Variants in SPAG17 observed in about 807,000 individuals in gnomAD.
SPAG17 encodes the protein sperm associated antigen 17, also known as sperm-associated antigen 17.
In SPAG17, 169 loss-of-function variants were observed where a neutral mutation model predicts 273.6. The observed-to-expected ratio is 0.62, with a 90% confidence interval of 0.55 to 0.70. The LOEUF (loss-of-function observed/expected upper bound fraction) is 0.70, where lower values mean the gene tolerates loss of function less well. Among genes scored for constraint, SPAG17 ranks in the 30% least tolerant of loss-of-function variants. SPAG17 has a pLI of 0.00. For missense variants in SPAG17, 2,557 were observed against 2,627.8 expected (o/e 0.97, Z 0.59); for synonymous variants, 825 against 873.2 (o/e 0.94, Z 0.97).
At chr1:118,130,855 G>T (rs1167353310) in intron 3 of SPAG17, among the ~76,000 whole-genome samples, 1 of 152,172 alleles carries the variant, frequency 6.6e-6, no homozygotes, top group Non-Finnish European at 1.5e-5. Flanking sequence ...ATTTCATGGG[G>T]TTCAGAGACC....
At chr1:118,095,122 A>T (rs1655624759) in intron 7 of SPAG17, among the ~76,000 whole-genome samples, 1 of 152,318 alleles carries the variant, frequency 6.6e-6, no homozygotes, top group Admixed American at 6.5e-5. Context: ...TGCCATTTAA[A>T]CTGTTCCATT....
Position 118,151,363 on chromosome 1 carries a change from A to C in SPAG17, c.94T>G (p.Trp32Gly), listed in dbSNP as rs777809913. Residue 32 changes from tryptophan to glycine, a missense_variant, in exon 2 of 49, where the codon TGG becomes GGG. Physicochemically the swap from Trp to Gly is radical, Grantham distance 184 (BLOSUM62 -2). Coordinates refer to ENST00000336338, the MANE Select transcript of SPAG17 (RefSeq NM_206996.4). ...ACCACAAAAGCAATGGAGGCCTGCC[A>C]ATCGTTCTATTAAAAATCAGACGGA... ...LIAAQFNQND[W>G]QASIAFVVGN... 1 of 1,611,926 alleles carries C rather than the reference A, an allele frequency of 6.2e-7. No homozygotes were observed. The highest frequency in any genetic ancestry group is 1.7e-5 in the Admixed American group (1 of 59,822).
intron 4 of SPAG17, 128 bp downstream of exon 4, chr1:118,115,181 GT>G: frequency 1.0e-6 from 1 of 991,588 alleles, no homozygotes; most frequent in Non-Finnish European, 1.5e-6. Context: ...AGAAGTTGAG[GT>G]GACAGCCAAA....
chr1:118,066,621 A>G (rs1206350663), intron 18 of SPAG17, 124 bp downstream of exon 18: 12 of 743,350 alleles, frequency 1.6e-5, no homozygotes, highest in African/African-American at 3.5e-5. Context: ...ATAGTACTAC[A>G]CAAATGTTTT....
chr1:118,101,526 G>C (rs1315377152), intron 5 of SPAG17, among the ~76,000 whole-genome samples: 2 of 152,140 alleles, frequency 1.3e-5, no homozygotes, highest in Admixed American at 1.3e-4. Flanking sequence ...GAAAAGGCTG[G>C]GAAAGACTAA....
chr1:117,977,422 C>T (rs1655262879), intron 43 of SPAG17, among the ~76,000 whole-genome samples: 1 of 152,168 alleles, frequency 6.6e-6, no homozygotes, highest in South Asian at 2.1e-4. Context: ...CTCATTCCAG[C>T]CCTAGCTCAG....
At chr1:117,954,347 G>T (rs1277573036) in intron 48 of SPAG17, among the ~76,000 whole-genome samples, 1 of 152,038 alleles carries the variant, frequency 6.6e-6, no homozygotes, top group African/African-American at 2.4e-5. Context: ...GTTCTATGTT[G>T]GTTTGGGAGG....
chr1:118,051,544 T>TACACACACACACAC (rs147508671), intron 20 of SPAG17, among the ~76,000 whole-genome samples: 2 of 148,422 alleles, frequency 1.3e-5, no homozygotes, highest in South Asian at 2.1e-4. Flanking sequence ...AAATTTGAGA[T>TACACACACACACAC]ACACACACAC....
intron 4 of SPAG17, among the ~76,000 whole-genome samples, chr1:118,102,200 T>A (rs1656114641): frequency 6.6e-6 from 1 of 152,184 alleles, no homozygotes; most frequent in African/African-American, 2.4e-5. Context: ...GAGCCAAGTG[T>A]GGCCTAAGAA....
At chr1:118,129,073 T>C (rs1052815618) in intron 3 of SPAG17, among the ~76,000 whole-genome samples, 3 of 152,240 alleles carry the variant, frequency 2.0e-5, no homozygotes, top group African/African-American at 4.8e-5. Flanking sequence ...GCAGCCACTT[T>C]ACCTTCTTCG....
intron 1 of SPAG17, among the ~76,000 whole-genome samples, chr1:118,155,325 C>T (rs1018401609): frequency 1.3e-5 from 2 of 152,210 alleles, no homozygotes; most frequent in Non-Finnish European, 2.9e-5. Flanking sequence ...GGTAAATTTA[C>T]AACTGTTTTT....
chr1:118,086,087 C>G lies in SPAG17; in HGVS notation c.1612-15G>C. ...TTCTTTTGGTCCTGATGAAAAAGAG[C>G]AACATGACAGAAGACATTAGAGTAA... On this transcript the variant is annotated splice_polypyrimidine_tract_variant and intron_variant, in intron 12 of 48. Transcript: ENST00000336338. The G allele has an allele frequency of 6.2e-7, 1 of 1,612,548 alleles. No individual in the cohort carries two copies. Among genetic ancestry groups the G allele is most frequent in the Non-Finnish European group, 8.5e-7 (1 of 1,179,504 alleles).
At position 118,039,377 on chromosome 1, in the gene SPAG17, AG is replaced by A; in HGVS notation, c.3233del (p.Pro1078LeufsTer5). On this transcript the variant is annotated frameshift_variant, in exon 23 of 49. Coordinates refer to ENST00000336338, the MANE Select transcript of SPAG17 (RefSeq NM_206996.4). LOFTEE classifies it high-confidence loss of function. The stretch of plus-strand genomic sequence containing the variant: ...TCTCTTCCTTTTTCACAATTTCCTT[AG>A]GGTCATTTAAATGAATCATAAAATT... The part of the protein sequence containing the change: ...NHNFMIHLND[P>X]KEIVKKEEKG... The A allele has an allele frequency of 1.2e-6, 2 of 1,613,366 alleles. No homozygotes were observed. Among genetic ancestry groups the A allele is most frequent in the Non-Finnish European group, 1.7e-6 (2 of 1,179,560 alleles).
chr1:118,062,198 C>G (rs1198033052), intron 18 of SPAG17, among the ~76,000 whole-genome samples: 1 of 151,564 alleles, frequency 6.6e-6, no homozygotes, highest in Non-Finnish European at 1.5e-5. Context: ...GAAATCCCGT[C>G]TCTACTAAAA....
intron 32 of SPAG17, 38 bp downstream of exon 32, chr1:118,005,376 G>A: frequency 1.3e-6 from 2 of 1,509,748 alleles, no homozygotes; most frequent in Non-Finnish European, 8.9e-7. Context: ...CAAAAGCAAA[G>A]CCACAGGCTC....
intron 18 of SPAG17, among the ~76,000 whole-genome samples, chr1:118,063,631 C>T (rs1652601378): frequency 6.6e-6 from 1 of 152,072 alleles, no homozygotes; most frequent in South Asian, 2.1e-4. Context: ...CCATAAAAAC[C>T]CTAGAAGAAA....
rs141856662 is a variant in SPAG17 at position 118,028,824 on chromosome 1, C to A, written c.3610-430G>T. Among the ~76,000 whole-genome samples, 674 of 152,138 alleles carry A rather than the reference C, an allele frequency of 4.4e-3. 6 individuals are homozygous for A. The highest frequency in any genetic ancestry group is 0.016 in the African/African-American group (650 of 41,518). On this transcript the variant is annotated intron_variant, in intron 25 of 48. Coordinates refer to ENST00000336338, the MANE Select transcript of SPAG17 (RefSeq NM_206996.4). The stretch of plus-strand genomic sequence containing the variant: ...CAATGTGACAGTATTAAAGGTGGGG[C>A]AGTTTAGAAAGTGATTAAGTCATGA...
intron 6 of SPAG17, among the ~76,000 whole-genome samples, chr1:118,099,338 A>C (rs1252067844): frequency 2.0e-5 from 3 of 152,226 alleles, no homozygotes; most frequent in Non-Finnish European, 2.9e-5. Flanking sequence ...AGGCAGTTGG[A>C]TAACCAAGTC....
Position 118,028,340 on chromosome 1 carries a change from A to G in SPAG17, c.3664T>C (p.Phe1222Leu). Residue 1222 changes from phenylalanine to leucine, a missense_variant, in exon 26 of 49, where the codon TTC (phenylalanine) becomes CTC (leucine). Physicochemically the swap from Phe to Leu is conservative, Grantham distance 22 (BLOSUM62 0). Coordinates refer to ENST00000336338, the MANE Select transcript of SPAG17 (RefSeq NM_206996.4). ...GGGCAAGACACATTTAGGCTCTGGA[A>G]GGTGGGAACATCCAAAGTCTCTTGT... ...VLQETLDVPT[F>L]QSLNVSCPSG... is the part of the protein sequence containing the mutation. 6.2e-7 allele frequency: 1 copy of G among 1,613,886 alleles called. No individual in the cohort carries two copies. The highest frequency in any genetic ancestry group is 8.5e-7 in the Non-Finnish European group (1 of 1,179,788).
Sources: gnomAD v4.1 joint callset for allele counts (sites outside exome capture counted in the v4.1 genomes callset) on GRCh38, gnomAD v4.1.1 for gene constraint, MANE v1.5 for transcripts, NCBI Gene and HGNC (gene_info 2026-07-23, HGNC 2026-07-21) for gene names.